The following FER variants were observed in gnomAD, a reference collection of about 807,000 sequenced individuals.
The protein encoded by FER is FER tyrosine kinase, also known as tyrosine-protein kinase Fer.
FER carries 63 observed loss-of-function variants against 111.0 expected under a neutral mutation model. The ratio of observed to expected loss-of-function variants is 0.57; its 90% CI spans 0.46 to 0.70. FER has a LOEUF of 0.70. Among genes scored for constraint, FER ranks in the 30% least tolerant of loss-of-function variants. The probability of loss-of-function intolerance (pLI) is 0.00; values close to 1 mark genes in which losing one functional copy is unlikely to be tolerated. For synonymous variants in FER, 327 were observed against 313.9 expected (o/e 1.04, Z -0.44); for missense variants, 914 against 954.0 (o/e 0.96, Z 0.55).
At position 109,167,626 on chromosome 5, in the gene FER, C is replaced by T. The variant is rs373792031; in HGVS notation, c.2049-13121C>T. Among the ~76,000 whole-genome samples the T allele has an allele frequency of 3.9e-5, 6 of 152,310 alleles. No homozygotes were observed. The South Asian group carries it at 1.0e-3, about 26-fold the overall frequency. On this transcript the variant is annotated intron_variant, in intron 17 of 19. Coordinates refer to ENST00000281092, the MANE Select transcript of FER (RefSeq NM_005246.4). ...TAGTTGCAAATGTAGACCCAAATTACTTTGTAACTACAGTTCTTAAACCTT... is the reference window on the plus strand; with the variant it reads ...TAGTTGCAAATGTAGACCCAAATTATTTTGTAACTACAGTTCTTAAACCTT...
At position 108,934,925 on chromosome 5, in the gene FER, G is replaced by A. The variant is rs115935478; in HGVS notation, c.1237-11205G>A. Among the ~76,000 whole-genome samples the A allele has an allele frequency of 3.7e-3, 557 of 152,110 alleles. 1 individual carries two copies. The highest frequency in any genetic ancestry group is 0.013 in the African/African-American group (522 of 41,504). ...TAACAAATGCATATATCTACAGAAG[G>A]AACAGGATTGGAAAAAAAGAAAAAA... On this transcript the variant is annotated intron_variant, in intron 10 of 19. Coordinates refer to ENST00000281092, the MANE Select transcript of FER (RefSeq NM_005246.4).
At chr5:109,137,185 G>C (rs1752987223) in intron 17 of FER, among the ~76,000 whole-genome samples, 1 of 152,072 alleles carries the variant, frequency 6.6e-6, no homozygotes. Flanking sequence ...CCAACCTAGG[G>C]TAAGTCATGA....
At chr5:108,883,610 C>T (rs1765890945) in intron 9 of FER, 92 bp downstream of exon 9, 2 of 1,114,524 alleles carry the variant, frequency 1.8e-6, no homozygotes, top group Non-Finnish European at 1.2e-6. Flanking sequence ...CCTAACATTT[C>T]TAGAAACAGA....
chr5:109,047,127 C>A lies in FER; in HGVS notation c.1853C>A (p.Pro618His). Residue 618 changes from proline (P) to histidine (H), a missense_variant, in exon 16 of 20, where the codon CCC becomes CAC. Around this residue, in one of 3 missense-constraint regions of FER, gnomAD observed 774 missense variants for 782.6 expected, o/e 0.99. Transcript: ENST00000281092. ...EAKILKQYDHPNIVKLIGVCT... is the reference protein window; with the variant it reads ...EAKILKQYDHHNIVKLIGVCT... ...AGAATTCTCAAGCAATATGATCATC[C>A]CAATATTGTCAAACTTATAGGAGTT... 1 of 1,598,172 alleles carries A rather than the reference C, an allele frequency of 6.3e-7. No homozygotes were observed. The highest frequency in any genetic ancestry group is 8.6e-7 in the Non-Finnish European group (1 of 1,169,312).
chr5:108,858,541 C>T (rs575844465), intron 5 of FER, among the ~76,000 whole-genome samples: 2 of 151,996 alleles, frequency 1.3e-5, no homozygotes, highest in Non-Finnish European at 2.9e-5. Context: ...ATTTTATTTT[C>T]CCCCCTCCCT....
At chr5:108,935,197 G>A (rs1755284875) in intron 10 of FER, among the ~76,000 whole-genome samples, 2 of 152,000 alleles carry the variant, frequency 1.3e-5, no homozygotes, top group African/African-American at 4.8e-5. Context: ...TCACAGTTCG[G>A]GAGGCCAGAA....
At chr5:108,886,373 CAT>C (rs1297401790) in intron 9 of FER, among the ~76,000 whole-genome samples, 1 of 149,298 alleles carries the variant, frequency 6.7e-6, no homozygotes, top group Non-Finnish European at 1.5e-5. Flanking sequence ...CTTTGTGTCA[CAT>C]ATTATGCTGG....
chr5:108,986,725 T>C (rs947862554), intron 13 of FER, among the ~76,000 whole-genome samples: 2 of 152,202 alleles, frequency 1.3e-5, no homozygotes, highest in African/African-American at 4.8e-5. Flanking sequence ...CTTTATGTTT[T>C]TGTTTGCTTT....
intron 3 of FER, among the ~76,000 whole-genome samples, chr5:108,820,880 C>A (rs1487596169): frequency 1.3e-5 from 2 of 152,154 alleles, no homozygotes; most frequent in Non-Finnish European, 2.9e-5. Context: ...AATCCCAGCA[C>A]TTTGGGAGGC....
At chr5:108,859,805 C>G (rs1763334294) in intron 5 of FER, among the ~76,000 whole-genome samples, 1 of 151,934 alleles carries the variant, frequency 6.6e-6, no homozygotes, top group African/African-American at 2.4e-5. Context: ...TAAAGTATCA[C>G]TATTTCAGTT....
At chr5:109,033,588 A>G (rs2149870011) in intron 13 of FER, among the ~76,000 whole-genome samples, 1 of 152,270 alleles carries the variant, frequency 6.6e-6, no homozygotes, top group Middle Eastern at 3.4e-3. Flanking sequence ...TAGCATCATC[A>G]TATAACTGAA....
intron 2 of FER, among the ~76,000 whole-genome samples, chr5:108,788,794 C>T (rs937873099): frequency 1.3e-5 from 2 of 152,114 alleles, no homozygotes; most frequent in Non-Finnish European, 2.9e-5. Flanking sequence ...GCAGCTGAAA[C>T]GATTATAGTT....
intron 5 of FER, among the ~76,000 whole-genome samples, chr5:108,849,940 C>T (rs1301795001): frequency 1.3e-5 from 2 of 152,014 alleles, no homozygotes; most frequent in African/African-American, 4.8e-5. Flanking sequence ...GCCTGTAATC[C>T]CAGCACTTTG....
At chr5:109,177,487 C>T (rs1367612459) in intron 17 of FER, 1 of 151,924 alleles carries the variant, frequency 6.6e-6, no homozygotes, top group South Asian at 2.1e-4. Flanking sequence ...AGAACTCTGG[C>T]TCAGCCTCAT....
At chr5:108,836,803 C>T (rs965658394) in intron 5 of FER, among the ~76,000 whole-genome samples, 3 of 151,780 alleles carry the variant, frequency 2.0e-5, no homozygotes, top group African/African-American at 7.3e-5. Context: ...CTCTCCTTTT[C>T]CCCTCTTCTT....
intron 16 of FER, among the ~76,000 whole-genome samples, chr5:109,079,709 A>G (rs751007273): frequency 6.6e-6 from 1 of 152,092 alleles, no homozygotes; most frequent in Non-Finnish European, 1.5e-5. Context: ...AGGAAAGGTT[A>G]TGGTTACCTC....
rs146770785 is a variant in FER at position 108,881,968 on chromosome 5, A to G, written c.924-1428A>G. Among the ~76,000 whole-genome samples the G allele has an allele frequency of 5.6e-3, 856 of 152,266 alleles. 4 individuals are homozygous for G. The highest frequency in any genetic ancestry group is 7.5e-3 in the Non-Finnish European group (509 of 68,014). On this transcript the variant is annotated intron_variant, in intron 8 of 19. Transcript: ENST00000281092. ...ATTTTAATATAATTAGAACAATGCTATATGTATTCTGCTACATTTTGCCTT... is the reference window on the plus strand; with the variant it reads ...ATTTTAATATAATTAGAACAATGCTGTATGTATTCTGCTACATTTTGCCTT...
At chr5:109,006,457 A>G (rs1270783874) in intron 13 of FER, among the ~76,000 whole-genome samples, 1 of 152,142 alleles carries the variant, frequency 6.6e-6, no homozygotes, top group African/African-American at 2.4e-5. Context: ...TTTGCCTTCC[A>G]CCATGATTGT....
At chr5:109,126,007 GT>G (rs577303115) in intron 17 of FER, among the ~76,000 whole-genome samples, 13 of 148,528 alleles carry the variant, frequency 8.8e-5, no homozygotes, top group East Asian at 4.0e-4. Context: ...ATCTATAGCT[GT>G]TTTTTTTTTC....
Sources: gnomAD v4.1 joint callset for allele counts (sites outside exome capture counted in the v4.1 genomes callset) on GRCh38, gnomAD v4.1.1 for gene constraint, gnomAD v4.1.1 regional missense constraint, MANE v1.5 for transcripts, NCBI Gene and HGNC (gene_info 2026-07-23, HGNC 2026-07-21) for gene names.